VIRMA: variants seen among roughly 807,000 people sequenced by gnomAD.
VIRMA encodes vir like m6A methyltransferase associated.
A neutral mutation model predicts 182.4 loss-of-function variants in VIRMA; 65 were observed. The ratio of observed to expected loss-of-function variants is 0.36; its 90% CI spans 0.29 to 0.44. The LOEUF is 0.44. Ranked by LOEUF, VIRMA falls within the 20% of genes least tolerant of loss-of-function variation. VIRMA has a pLI of 1.00. For synonymous variants in VIRMA, 709 were observed against 743.1 expected (o/e 0.95, Z 0.75); for missense variants, 1,752 against 2,158.1 (o/e 0.81, Z 3.73).
Position 94,496,374 on chromosome 8 carries a change from T to C in VIRMA, c.4337A>G (p.Glu1446Gly), listed in dbSNP as rs751963634. ...AELKQLLQSK[E>G]ESPENLFLEL... is the part of the protein sequence containing the mutation. ...AAGGAACAAATTTTCTGGACTTTCT[T>C]CTTTGCTTTGTAGAAGCTGTTTTAA... The change falls in exon 18 of 24, where the codon GAA becomes GGA. Residue 1446 changes from glutamate to glycine, a missense_variant. Transcript: ENST00000297591. 11 of 1,613,246 alleles carry C rather than the reference T, an allele frequency of 6.8e-6. No individual in the cohort carries two copies. Among genetic ancestry groups the C allele is most frequent in the Admixed American group, 1.7e-5 (1 of 59,874 alleles).
chr8:94,507,755 AAAAC>A (rs984506370), intron 15 of VIRMA, among the ~76,000 whole-genome samples: 2 of 151,978 alleles, frequency 1.3e-5, no homozygotes, highest in African/African-American at 2.4e-5. Flanking sequence ...CTCCATCTCA[AAAAC>A]AAACAAACAA....
chr8:94,523,615 A>G lies in VIRMA; in HGVS notation c.2021+2608T>C, dbSNP rs115849504. ...TTTTATTTTCTGTAGCGGTCTCCCT[A>G]TGTTGCCCAGGCTGGCCAAATTTCT... On this transcript the variant is annotated intron_variant, in intron 8 of 23. Transcript: ENST00000297591. Among the ~76,000 whole-genome samples the G allele has an allele frequency of 1.2e-3, 188 of 151,612 alleles. 1 individual carries two copies. Among genetic ancestry groups the G allele is most frequent in the African/African-American group, 4.3e-3 (179 of 41,258 alleles).
At chr8:94,551,918 A>G (rs1436845288) in intron 1 of VIRMA, among the ~76,000 whole-genome samples, 1 of 152,180 alleles carries the variant, frequency 6.6e-6, no homozygotes, top group Non-Finnish European at 1.5e-5. Flanking sequence ...CAGGGGTTGC[A>G]CTGTGTTGCC....
In VIRMA at chr8:94,499,040, T is replaced by C. The variant is rs139586967; in HGVS notation, c.4230+334A>G. On this transcript the variant is annotated intron_variant, in intron 17 of 23. Transcript: ENST00000297591. ...AGGTTGCAGTGAGCCGAGATTGTGC[T>C]ACTGCACTCCAGTCTGGATGACAGA... 1.2e-3 allele frequency: 188 copies of C among 156,484 alleles called. 1 individual carries two copies. The highest frequency in any genetic ancestry group is 4.3e-3 in the African/African-American group (179 of 41,706). The allele number at this position is 156,484 out of a possible 1,614,324, so 9.7% of individuals were successfully genotyped here. A position where few individuals can be genotyped will look rare whatever the true frequency, so the allele number is the denominator to read the frequency against.
In VIRMA at chr8:94,509,702, A is replaced by C. The variant is rs903811057; in HGVS notation, c.3865T>G (p.Ser1289Ala). The change falls in exon 15 of 24, where the codon TCT becomes GCT. Residue 1289 changes from serine (S) to alanine (A), a missense_variant. Physicochemically the swap from Ser to Ala is moderately conservative, Grantham distance 99. Transcript: ENST00000297591. Reference protein sequence around the residue: ...CVEYVTSILQSLCDQDIALIL... With the variant: ...CVEYVTSILQALCDQDIALIL... ...ACTATAAATACCTGATCACAGAGAG[A>C]CTGCAAAATGGATGTGACATATTCA... 1.2e-6 allele frequency: 2 copies of C among 1,613,042 alleles called. No individual in the cohort carries two copies. Among genetic ancestry groups the C allele is most frequent in the Non-Finnish European group, 1.7e-6 (2 of 1,179,674 alleles).
At chr8:94,533,896 CT>C (rs963410937) in intron 5 of VIRMA, 2 of 151,018 alleles carry the variant, frequency 1.3e-5, no homozygotes, top group African/African-American at 2.4e-5. Context: ...GTGTCAACTT[CT>C]TTTTTTTTAA....
chr8:94,488,531 T>G lies in VIRMA; in HGVS notation c.*175A>C, dbSNP rs1586055872. Reference sequence around the variant, plus strand: ...AATATATACAAACGTACATACAAAGTTTGGATTTTTATTGAAATCTTGTTA... The same window carrying G: ...AATATATACAAACGTACATACAAAGGTTGGATTTTTATTGAAATCTTGTTA... On this transcript the variant is annotated 3_prime_UTR_variant, in exon 24 of 24. Transcript: ENST00000297591. 1 of 529,622 alleles carries G rather than the reference T, an allele frequency of 1.9e-6. No individual in the cohort carries two copies. The highest frequency in any genetic ancestry group is 3.3e-5 in the Admixed American group (1 of 30,536). The allele number at this position is 529,622 out of a possible 1,614,324, so 32.8% of individuals were successfully genotyped here. A position where few individuals can be genotyped will look rare whatever the true frequency, so the allele number is the denominator to read the frequency against.
intron 22 of VIRMA, among the ~76,000 whole-genome samples, chr8:94,490,980 G>A (rs1232712105): frequency 2.0e-5 from 3 of 152,076 alleles, no homozygotes; most frequent in Admixed American, 6.6e-5. Flanking sequence ...TGAAAATAAT[G>A]TAAGGGTATT....
chr8:94,544,051 A>G (rs1815675738), intron 1 of VIRMA, 109 bp from the exon 2 acceptor site: 1 of 587,422 alleles, frequency 1.7e-6, no homozygotes, highest in Admixed American at 3.0e-5. Flanking sequence ...TTAACATTCC[A>G]TATCATTAAA....
intron 5 of VIRMA, among the ~76,000 whole-genome samples, chr8:94,532,419 T>G (rs1815202399): frequency 6.6e-6 from 1 of 152,214 alleles, no homozygotes; most frequent in Non-Finnish European, 1.5e-5. Context: ...GATAAGTATT[T>G]TGATCATGGT....
intron 8 of VIRMA, among the ~76,000 whole-genome samples, chr8:94,521,299 T>C (rs954732776): frequency 2.0e-5 from 3 of 152,268 alleles, no homozygotes; most frequent in African/African-American, 7.2e-5. Context: ...AGTGAGAACA[T>C]GCAGTATTTG....
At chr8:94,518,487 C>T (rs1395696932) in intron 9 of VIRMA, among the ~76,000 whole-genome samples, 2 of 152,198 alleles carry the variant, frequency 1.3e-5, no homozygotes, top group African/African-American at 2.4e-5. Context: ...CCTTGTGTGA[C>T]ATGAACCAGA....
intron 1 of VIRMA, among the ~76,000 whole-genome samples, chr8:94,544,662 CAAAA>C (rs11364603): frequency 2.1e-5 from 2 of 94,480 alleles, no homozygotes; most frequent in African/African-American, 8.1e-5. Flanking sequence ...GACTCTGTCT[CAAAA>C]AAAAAAAAAA....
rs750762864 is a variant in VIRMA at position 94,495,723 on chromosome 8, T to C, written c.4544+8A>G. On this transcript the variant is annotated splice_region_variant and intron_variant, in intron 19 of 23. Transcript: ENST00000297591. ...AGCTATTCAATCATAAAACATTGTG[T>C]ATTTTACCTATTGTTAAACAGATTC... The C allele has an allele frequency of 1.2e-6, 2 of 1,610,752 alleles. No homozygotes were observed. Among genetic ancestry groups the C allele is most frequent in the East Asian group, 2.2e-5 (1 of 44,844 alleles).
In VIRMA at chr8:94,489,952, G is replaced by A. The variant is rs769239806; in HGVS notation, c.5271C>T (p.Pro1757=). Residue 1757 remains proline, a synonymous_variant, in exon 23 of 24, where the codon CCC becomes CCT. Coordinates refer to ENST00000297591, the MANE Select transcript of VIRMA (RefSeq NM_015496.5). ...AAGGATGTATACCTGTAGAACTAAG[G>A]GGTCGTAATGGTGGAAGAGGGCCTC... ...FNRGPLPPLR[P]LSSTGYRPSP... 9.3e-6 allele frequency: 15 copies of A among 1,613,470 alleles called. No homozygotes were observed. The highest frequency in any genetic ancestry group is 6.6e-5 in the South Asian group (6 of 90,942).
chr8:94,550,338 G>C (rs990583701), intron 1 of VIRMA, among the ~76,000 whole-genome samples: 1 of 151,016 alleles, frequency 6.6e-6, no homozygotes, highest in African/African-American at 2.4e-5. Context: ...TGTCACCCAG[G>C]CTGGAGTGCA....
chr8:94,544,046 A>T, intron 1 of VIRMA, 104 bp from the exon 2 acceptor site: 4 of 649,992 alleles, frequency 6.2e-6, no homozygotes, highest in Non-Finnish European at 1.1e-5. Flanking sequence ...TAAACTTAAC[A>T]TTCCATATCA....
chr8:94,523,317 C>CT (rs1220569054), intron 8 of VIRMA, among the ~76,000 whole-genome samples: 1 of 152,186 alleles, frequency 6.6e-6, no homozygotes, highest in Non-Finnish European at 1.5e-5. Context: ...TACAAATATG[C>CT]TCAAGCCTCT....
chr8:94,507,827 T>C (rs540447743), intron 15 of VIRMA, among the ~76,000 whole-genome samples: 139 of 151,628 alleles, frequency 9.2e-4, no homozygotes, highest in African/African-American at 3.2e-3. Context: ...ATAGAGGAGA[T>C]GAACATTTAA....
Sources: gnomAD v4.1 joint callset for allele counts (sites outside exome capture counted in the v4.1 genomes callset) on GRCh38, gnomAD v4.1.1 for gene constraint, MANE v1.5 for transcripts, NCBI Gene and HGNC (gene_info 2026-07-23, HGNC 2026-07-21) for gene names.